EBF3: variants seen among roughly 807,000 people sequenced by gnomAD.
The protein encoded by EBF3 is transcription factor COE3.
In EBF3, 18 loss-of-function variants were observed where a neutral mutation model predicts 77.1. That is an observed-to-expected ratio of 0.23 (90% CI 0.16 to 0.35). The LOEUF (loss-of-function observed/expected upper bound fraction) is 0.35, where lower values mean the gene tolerates loss of function less well. Ranked by LOEUF, EBF3 falls within the 10% of genes least tolerant of loss-of-function variation. The probability of loss-of-function intolerance (pLI) is 1.00; values close to 1 mark genes in which losing one functional copy is unlikely to be tolerated. For synonymous variants in EBF3, 350 were observed against 343.5 expected (o/e 1.02, Z -0.21); for missense variants, 558 against 860.0 (o/e 0.65, Z 4.39).
intron 6 of EBF3, among the ~76,000 whole-genome samples, chr10:129,911,788 G>A (rs1855541958): frequency 6.6e-6 from 1 of 152,178 alleles, no homozygotes; most frequent in African/African-American, 2.4e-5. Context: ...ACTCCAAGCT[G>A]GGAAGCCCAA....
intron 6 of EBF3, among the ~76,000 whole-genome samples, chr10:129,915,971 C>T (rs1439747297): frequency 1.3e-5 from 2 of 152,122 alleles, no homozygotes; most frequent in African/African-American, 4.8e-5. Flanking sequence ...TCAGAATTTT[C>T]TCTGCAGAAT....
chr10:129,842,545 T>C lies in EBF3; in HGVS notation c.1195-252A>G, dbSNP rs1283550235. On this transcript the variant is annotated intron_variant, in intron 12 of 16. Transcript: ENST00000440978. The surrounding 1 kb of genome is among the most constrained non-coding windows in gnomAD (Gnocchi z 4.4). Reference sequence around the variant, plus strand: ...TTGGGAGGTCAAGGCAGGCGGATCATCTGAGGTCAGGAGTTCAAGACCAGC... The same window carrying C: ...TTGGGAGGTCAAGGCAGGCGGATCACCTGAGGTCAGGAGTTCAAGACCAGC... 6.6e-6 allele frequency among the ~76,000 whole-genome samples: 1 copy of C among 151,978 alleles called. No individual in the cohort carries two copies. The highest frequency in any genetic ancestry group is 1.5e-5 in the Non-Finnish European group (1 of 67,990).
intron 6 of EBF3, among the ~76,000 whole-genome samples, chr10:129,880,406 T>A (rs558371476): frequency 6.6e-6 from 1 of 151,862 alleles, no homozygotes; most frequent in Admixed American, 6.6e-5. Context: ...TACACATGCA[T>A]ACACAAATGC....
chr10:129,839,723 G>A (rs1440681601), intron 15 of EBF3, among the ~76,000 whole-genome samples: 1 of 152,218 alleles, frequency 6.6e-6, no homozygotes, highest in Non-Finnish European at 1.5e-5. Context: ...CCAGCCTCGG[G>A]ACAACGAGGG....
chr10:129,909,786 G>A (rs1217330644), intron 6 of EBF3, among the ~76,000 whole-genome samples: 2 of 152,222 alleles, frequency 1.3e-5, no homozygotes, highest in African/African-American at 4.8e-5. Context: ...CCCCAGAACA[G>A]CAGCGCCCAC....
chr10:129,860,191 C>T (rs900222082), intron 10 of EBF3, among the ~76,000 whole-genome samples: 7 of 152,076 alleles, frequency 4.6e-5, no homozygotes, highest in Admixed American at 1.3e-4. Flanking sequence ...TTCAGAAGCA[C>T]GTCCTACTCA....
rs552817958 is a variant in EBF3, at chr10:129,862,308, T to C, written c.1039+4833A>G. Among the ~76,000 whole-genome samples, 31 of 152,320 alleles carry C rather than the reference T, an allele frequency of 2.0e-4. No homozygotes were observed. In the East Asian group the frequency reaches 5.6e-3, roughly 27 times the overall value. On this transcript the variant is annotated intron_variant, in intron 10 of 16. Transcript: ENST00000440978. ...CACTTTTATGTTCCCATCTAGTAACTGCATCCCAGGGCTGGGAGCGGTCCA... is the reference window on the plus strand; with the variant it reads ...CACTTTTATGTTCCCATCTAGTAACCGCATCCCAGGGCTGGGAGCGGTCCA...
intron 6 of EBF3, among the ~76,000 whole-genome samples, chr10:129,950,607 G>C (rs1858604075): frequency 6.6e-6 from 1 of 151,962 alleles, no homozygotes; most frequent in African/African-American, 2.4e-5. Flanking sequence ...TTACCCCAAA[G>C]TCTAAGAAGC....
At chr10:129,922,710 C>T (rs894090751) in intron 6 of EBF3, among the ~76,000 whole-genome samples, 1 of 152,254 alleles carries the variant, frequency 6.6e-6, no homozygotes, top group Admixed American at 6.5e-5. Context: ...CGAACCCCTG[C>T]GTCACGGACT....
Position 129,947,101 on chromosome 10 carries a change from G to T in EBF3, c.554+10157C>A, listed in dbSNP as rs963266625. 6.6e-6 allele frequency among the ~76,000 whole-genome samples: 1 copy of T among 152,146 alleles called. No individual in the cohort carries two copies. The highest frequency in any genetic ancestry group is 6.5e-5 in the Admixed American group (1 of 15,272). On this transcript the variant is annotated intron_variant, in intron 6 of 16. Coordinates refer to ENST00000440978, the MANE Select transcript of EBF3 (RefSeq NM_001375380.1). The surrounding 1 kb of genome is among the most constrained non-coding windows in gnomAD (Gnocchi z 4.5). ...CTTGTTTCCTGACCCAATCTTCCTC[G>T]TGTCAGGGGACGAGCCGCTTCATTG...
In EBF3 at chr10:129,861,935, T is replaced by C. The variant is rs1851668149; in HGVS notation, c.1039+5206A>G. 6.6e-6 allele frequency among the ~76,000 whole-genome samples: 1 copy of C among 152,200 alleles called. No homozygotes were observed. The highest frequency in any genetic ancestry group is 1.5e-5 in the Non-Finnish European group (1 of 68,034). ...GGGCTGGCGTGGTCGAAGGGCACAG[T>C]CGACTCCGCAGTGCTGACGGGACCG... On this transcript the variant is annotated intron_variant, in intron 10 of 16. Transcript: ENST00000440978. This position sits in a 1 kb window ranked among gnomAD's most constrained non-coding sequence, Gnocchi z 4.3.
At chr10:129,901,457 T>C (rs1486183830) in intron 6 of EBF3, among the ~76,000 whole-genome samples, 1 of 152,218 alleles carries the variant, frequency 6.6e-6, no homozygotes, top group Non-Finnish European at 1.5e-5. Context: ...TTTGTCTTAA[T>C]TTTATTTTGC....
At chr10:129,924,593 C>T (rs1278404262) in intron 6 of EBF3, among the ~76,000 whole-genome samples, 1 of 152,182 alleles carries the variant, frequency 6.6e-6, no homozygotes, top group African/African-American at 2.4e-5. Context: ...TAGAACTACC[C>T]TATGATTCAG....
chr10:129,910,683 G>C (rs761766933), intron 6 of EBF3, among the ~76,000 whole-genome samples: 1 of 151,748 alleles, frequency 6.6e-6, no homozygotes, highest in Middle Eastern at 3.2e-3. Flanking sequence ...ACCTCCCCCA[G>C]AGCCCCAGGT....
chr10:129,867,001 C>G, intron 10 of EBF3, 140 bp downstream of exon 10: 5 of 1,249,884 alleles, frequency 4.0e-6, no homozygotes, highest in Non-Finnish European at 5.3e-6. Flanking sequence ...TCCAGCTAAA[C>G]CCACAGGCCA....
At chr10:129,888,654 G>A (rs930674080) in intron 6 of EBF3, among the ~76,000 whole-genome samples, 1 of 152,150 alleles carries the variant, frequency 6.6e-6, no homozygotes, top group African/African-American at 2.4e-5. Context: ...CCTCTGAGAA[G>A]GTTTTCTTTA....
intron 10 of EBF3, among the ~76,000 whole-genome samples, chr10:129,850,200 G>C (rs1850767104): frequency 1.3e-5 from 2 of 152,348 alleles, no homozygotes; most frequent in Middle Eastern, 3.4e-3. Context: ...TTGACTTAAT[G>C]AATCGGCCTG....
chr10:129,840,703 G>A (rs528702942), intron 14 of EBF3, 141 bp downstream of exon 14: 20 of 1,272,754 alleles, frequency 1.6e-5, no homozygotes, highest in South Asian at 3.0e-5. Context: ...ATTTACGGTC[G>A]CCATTTGGAC....
intron 6 of EBF3, among the ~76,000 whole-genome samples, chr10:129,946,654 G>A (rs1037740137): frequency 2.0e-5 from 3 of 152,272 alleles, no homozygotes; most frequent in South Asian, 2.1e-4. Context: ...CACTGCAGAC[G>A]AGGCCATGCG....
Sources: gnomAD v4.1 joint callset for allele counts (sites outside exome capture counted in the v4.1 genomes callset) on GRCh38, gnomAD v4.1.1 for gene constraint, Gnocchi (gnomAD v3.1) non-coding constraint, MANE v1.5 for transcripts, NCBI Gene and HGNC (gene_info 2026-07-23, HGNC 2026-07-21) for gene names.